Variants in NGF observed in about 807,000 individuals in gnomAD.
NGF encodes beta-nerve growth factor.
NGF carries 4 observed loss-of-function variants against 12.8 expected under a neutral mutation model. The observed-to-expected ratio is 0.31, with a 90% CI of 0.15 to 0.72. The LOEUF is 0.72. Ranked by LOEUF, NGF falls within the 30% of genes least tolerant of loss-of-function variation. The pLI is 0.69. For missense variants in NGF, 283 were observed against 330.8 expected, an observed-to-expected ratio of 0.86 and a Z score of 1.12; for synonymous variants, 140 against 130.0, an observed-to-expected ratio of 1.08 and a Z score of -0.52.
chr1:115,300,376 C>T (rs888954937), intron 1 of NGF, among the ~76,000 whole-genome samples: 5 of 152,116 alleles, frequency 3.3e-5, no homozygotes, highest in African/African-American at 4.8e-5. Flanking sequence ...TGTAAGGATT[C>T]GAGTAAAATG....
chr1:115,286,453 T>C lies in NGF; in HGVS notation c.343A>G (p.Arg115Gly), dbSNP rs376618971. The change falls in exon 3 of 3, where the codon AGG becomes GGG. Residue 115 changes from arginine (R) to glycine (G), a missense_variant. Physicochemically the swap from Arg to Gly is moderately radical, Grantham distance 125 (BLOSUM62 -2). Transcript: ENST00000369512. ...GATGACCGCTTGCTCCTGTGAGTCC[T>C]GTTGAAGGGGGCAGCACCACCGACC... ...FEVGGAAPFNRTHRSKRSSSH... is the reference protein window; with the variant it reads ...FEVGGAAPFNGTHRSKRSSSH... The C allele has an allele frequency of 9.3e-6, 15 of 1,613,484 alleles. No individual in the cohort carries two copies. The African/African-American group carries it at 1.3e-4, about 14-fold the overall frequency.
intron 1 of NGF, among the ~76,000 whole-genome samples, chr1:115,321,107 T>A (rs781685535): frequency 1.1e-4 from 16 of 152,212 alleles, no homozygotes; most frequent in Non-Finnish European, 2.4e-4. Context: ...AGATGCAGTA[T>A]GGACCAGCAC....
At chr1:115,320,739 G>T (rs1209739599) in intron 1 of NGF, among the ~76,000 whole-genome samples, 3 of 152,234 alleles carry the variant, frequency 2.0e-5, no homozygotes, top group African/African-American at 7.2e-5. Flanking sequence ...TGAAACCACA[G>T]CTAAGGGGGT....
chr1:115,299,756 A>G (rs1489356342), intron 1 of NGF, among the ~76,000 whole-genome samples: 2 of 152,198 alleles, frequency 1.3e-5, no homozygotes, highest in Non-Finnish European at 2.9e-5. Context: ...CTGAGACCCT[A>G]AGAAAACATC....
At chr1:115,329,420 T>C (rs557115055) in intron 1 of NGF, among the ~76,000 whole-genome samples, 2 of 152,302 alleles carry the variant, frequency 1.3e-5, no homozygotes, top group Admixed American at 1.3e-4. Flanking sequence ...AGTTGGGACT[T>C]AACCCCAAGC....
chr1:115,335,513 CTCTT>C (rs1655086833), intron 1 of NGF, among the ~76,000 whole-genome samples: 1 of 152,226 alleles, frequency 6.6e-6, no homozygotes, highest in South Asian at 2.1e-4. Flanking sequence ...CACACAGGAA[CTCTT>C]TCTGTGTCAC....
At chr1:115,290,101 C>T (rs1183960963) in intron 2 of NGF, among the ~76,000 whole-genome samples, 3 of 152,140 alleles carry the variant, frequency 2.0e-5, no homozygotes, top group East Asian at 3.9e-4. Context: ...GTCTGTAAGC[C>T]AGTAGGGACT....
chr1:115,307,395 G>A (rs1046666350), intron 1 of NGF, among the ~76,000 whole-genome samples: 1 of 152,182 alleles, frequency 6.6e-6, no homozygotes, highest in South Asian at 2.1e-4. Context: ...ATGTCAGCAA[G>A]AGAGAGTGAA....
At chr1:115,315,120 C>G (rs1212067757) in intron 1 of NGF, among the ~76,000 whole-genome samples, 1 of 152,136 alleles carries the variant, frequency 6.6e-6, no homozygotes, top group Non-Finnish European at 1.5e-5. Flanking sequence ...TAGGAGATGA[C>G]AGCTGAGGGG....
chr1:115,302,456 A>G (rs1654066404), intron 1 of NGF, among the ~76,000 whole-genome samples: 1 of 152,200 alleles, frequency 6.6e-6, no homozygotes, highest in South Asian at 2.1e-4. Context: ...ATGTTGTGCA[A>G]TCCACTGGGA....
rs1654592600 is a variant in NGF at position 115,320,533 on chromosome 1, T to C, written c.-137+17671A>G. Among the ~76,000 whole-genome samples, 3 of 152,140 alleles carry C rather than the reference T, an allele frequency of 2.0e-5. No homozygotes were observed. The East Asian group carries it at 5.8e-4, about 29-fold the overall frequency. ...TCTGACAACCAAGCAGGCTACTAAG[T>C]GACTAAGGGGCAGGTAGCCTAGAGA... On this transcript the variant is annotated intron_variant, in intron 1 of 2. Transcript: ENST00000369512.
At chr1:115,307,221 T>C (rs1233726069) in intron 1 of NGF, among the ~76,000 whole-genome samples, 2 of 151,900 alleles carry the variant, frequency 1.3e-5, no homozygotes, top group Non-Finnish European at 2.9e-5. Context: ...ACTGAAATAG[T>C]AGGAAGAGAA....
At chr1:115,328,887 G>C (rs1654839810) in intron 1 of NGF, among the ~76,000 whole-genome samples, 2 of 152,168 alleles carry the variant, frequency 1.3e-5, no homozygotes, top group South Asian at 4.1e-4. Context: ...AGCATGAAAT[G>C]GGAGAAAGAC....
chr1:115,320,341 A>G (rs1325913118), intron 1 of NGF, among the ~76,000 whole-genome samples: 1 of 152,244 alleles, frequency 6.6e-6, no homozygotes, highest in Non-Finnish European at 1.5e-5. Flanking sequence ...ATAAAAAACA[A>G]TAACAATAAA....
chr1:115,333,232 C>T (rs1309340549), intron 1 of NGF, among the ~76,000 whole-genome samples: 6 of 152,300 alleles, frequency 3.9e-5, no homozygotes, highest in African/African-American at 9.6e-5. Flanking sequence ...ATCAGCCCAT[C>T]TGTACTGACA....
chr1:115,315,411 G>A (rs1278789108), intron 1 of NGF, among the ~76,000 whole-genome samples: 1 of 152,090 alleles, frequency 6.6e-6, no homozygotes, highest in Non-Finnish European at 1.5e-5. Context: ...TATATTGGAG[G>A]AATAGGGTCA....
intron 1 of NGF, among the ~76,000 whole-genome samples, chr1:115,307,310 G>A (rs1654228010): frequency 1.3e-5 from 2 of 152,156 alleles, no homozygotes. Flanking sequence ...AGAAGTGGGG[G>A]AAGCAGGAAA....
intron 1 of NGF, among the ~76,000 whole-genome samples, chr1:115,309,476 G>T (rs1654286453): frequency 6.6e-6 from 1 of 151,988 alleles, no homozygotes; most frequent in Non-Finnish European, 1.5e-5. Flanking sequence ...GTGCAGAATG[G>T]CAGTTTTGTT....
intron 1 of NGF, among the ~76,000 whole-genome samples, chr1:115,335,931 G>A (rs889239032): frequency 2.6e-5 from 4 of 152,070 alleles, no homozygotes; most frequent in East Asian, 1.9e-4. Flanking sequence ...GTTTATTCTC[G>A]GTAATGATGA....
Sources: allele counts gnomAD v4.1 joint callset (sites outside exome capture counted in the v4.1 genomes callset), GRCh38; gene constraint gnomAD v4.1.1; transcripts MANE v1.5; gene names NCBI Gene and HGNC (gene_info 2026-07-23, HGNC 2026-07-21).